Variants in TANGO2 observed in about 807,000 individuals in gnomAD.
TANGO2 encodes the protein transport and Golgi organization protein 2 homolog.
Under a neutral mutation model 39.1 loss-of-function variants are expected in TANGO2, and 26 were observed. That is an observed-to-expected ratio of 0.67 (90% CI 0.49 to 0.92). TANGO2 has a LOEUF of 0.92. TANGO2 is among the 40% of genes least tolerant of loss of function. TANGO2 has a pLI of 0.00. For synonymous variants in TANGO2, 131 were observed against 144.5 expected (o/e 0.91, Z 0.67); for missense variants, 326 against 360.1 (o/e 0.91, Z 0.77).
At position 20,063,344 on chromosome 22, in the gene TANGO2, G is replaced by GAC. The variant is rs1359759625; in HGVS notation, c.612_613insAC (p.Pro205ThrfsTer18). On this transcript the variant is annotated frameshift_variant, in exon 8 of 9. Coordinates refer to ENST00000327374, the MANE Select transcript of TANGO2 (RefSeq NM_152906.7). LOFTEE classifies it high-confidence loss of function. Reference sequence around the variant, plus strand: ...ACTTCTCTCCATCCTGCAGGCAGCTGCCAGACCCGGCCATCGAGGACCAGG... The same window carrying GAC: ...ACTTCTCTCCATCCTGCAGGCAGCTGACCCAGACCCGGCCATCGAGGACCAGG... 1.9e-6 allele frequency: 3 copies of GAC among 1,613,166 alleles called. No homozygotes were observed. The South Asian group carries it at 3.3e-5, about 18-fold the overall frequency.
In TANGO2 at chr22:20,043,352, C is replaced by A. The variant is rs750814833; in HGVS notation, c.57-3C>A. 3 of 1,609,496 alleles carry A rather than the reference C, an allele frequency of 1.9e-6. No individual in the cohort carries two copies. The highest frequency in any genetic ancestry group is 2.6e-6 in the Non-Finnish European group (3 of 1,176,372). On this transcript the variant is annotated splice_region_variant and splice_polypyrimidine_tract_variant and intron_variant, in intron 2 of 8. Coordinates refer to ENST00000327374, the MANE Select transcript of TANGO2 (RefSeq NM_152906.7). ...AGCCATCAGTGATGCTTTCCTCTTG[C>A]AGGCTCATCTTGGCAGCCAACAGGG...
intron 2 of TANGO2, among the ~76,000 whole-genome samples, chr22:20,038,006 G>A (rs960149046): frequency 2.6e-5 from 4 of 152,244 alleles, no homozygotes; most frequent in East Asian, 1.9e-4. Context: ...AGAGAATGGC[G>A]TGAACCTGGG....
chr22:20,027,915 C>T lies in TANGO2; in HGVS notation c.-40+6669C>T, dbSNP rs546975716. On this transcript the variant is annotated intron_variant, in intron 1 of 8. Transcript: ENST00000327374. ...CTGGGTTCAAGTGATCCTCCTGCCT[C>T]AGCCTCCTGAGTAGCTGGGATTACA... Among the ~76,000 whole-genome samples, 29 of 152,344 alleles carry T rather than the reference C, an allele frequency of 1.9e-4. No individual in the cohort carries two copies. The East Asian group carries it at 5.0e-3, about 26-fold the overall frequency.
chr22:20,064,972 A>C lies in TANGO2; in HGVS notation c.*310A>C. On this transcript the variant is annotated 3_prime_UTR_variant, in exon 9 of 9. Coordinates refer to ENST00000327374, the MANE Select transcript of TANGO2 (RefSeq NM_152906.7). Reference sequence around the variant, plus strand: ...ACACAGGCACTCACATGGCACACACATACACTCCTGCGTGTGCACAAGCAC... The same window carrying C: ...ACACAGGCACTCACATGGCACACACCTACACTCCTGCGTGTGCACAAGCAC... The C allele has an allele frequency of 5.9e-6, 2 of 340,142 alleles. No homozygotes were observed. 21.1% of individuals were successfully genotyped at this position (340,142 alleles called of 1,614,324 possible). A position where few individuals can be genotyped will look rare whatever the true frequency, so the allele number is the denominator to read the frequency against.
At chr22:20,039,050 C>T (rs1487397074) in intron 2 of TANGO2, among the ~76,000 whole-genome samples, 1 of 151,734 alleles carries the variant, frequency 6.6e-6, no homozygotes, top group Non-Finnish European at 1.5e-5. Flanking sequence ...AAGCGATCCT[C>T]CCACTTCAGC....
chr22:20,055,830 C>A, intron 5 of TANGO2, 113 bp from the exon 6 acceptor site: 1 of 932,680 alleles, frequency 1.1e-6, no homozygotes, highest in Non-Finnish European at 1.7e-6. Flanking sequence ...CTGGCCGCAG[C>A]GGGCTACTGC....
At chr22:20,027,755 A>T (rs1389320707) in intron 1 of TANGO2, among the ~76,000 whole-genome samples, 1 of 151,256 alleles carries the variant, frequency 6.6e-6, no homozygotes, top group Admixed American at 6.6e-5. Flanking sequence ...CTACAGATGC[A>T]TGTCACCATG....
At position 20,052,705 on chromosome 22, in the gene TANGO2, G is replaced by A. The variant is rs530743249; in HGVS notation, c.265+121G>A. On this transcript the variant is annotated intron_variant, in intron 4 of 8. Coordinates refer to ENST00000327374, the MANE Select transcript of TANGO2 (RefSeq NM_152906.7). The stretch of plus-strand genomic sequence containing the variant: ...TGTATGGTGGAGTGGGGCGGGCCAA[G>A]GTAGGAAGTGCCAAGGTGCTTGTGC... 125 of 1,286,102 alleles carry A rather than the reference G, an allele frequency of 9.7e-5. No homozygotes were observed. In the South Asian group the frequency reaches 1.7e-3, roughly 18 times the overall value. The allele number at this position is 1,286,102 out of a possible 1,614,324, so 79.7% of individuals were successfully genotyped here.
chr22:20,053,156 A>T (rs544368230), intron 4 of TANGO2, among the ~76,000 whole-genome samples: 3 of 151,914 alleles, frequency 2.0e-5, no homozygotes, highest in Non-Finnish European at 4.4e-5. Flanking sequence ...GTGGACACAC[A>T]TTGTCCCCAC....
chr22:20,055,841 G>A (rs377386582), intron 5 of TANGO2, 102 bp from the exon 6 acceptor site: 6 of 1,062,636 alleles, frequency 5.6e-6, no homozygotes, highest in South Asian at 1.3e-5. Flanking sequence ...GGGCTACTGC[G>A]CACATCGCTA....
intron 5 of TANGO2, 52 bp from the exon 6 acceptor site, chr22:20,055,891 G>A (rs1018276970): frequency 1.4e-5 from 21 of 1,495,114 alleles, no homozygotes; most frequent in South Asian, 1.1e-4. Context: ...GGGCAGTGTC[G>A]GGGAGGACGC....
At chr22:20,063,516 C>G in intron 8 of TANGO2, 74 bp downstream of exon 8, 1 of 1,326,348 alleles carries the variant, frequency 7.5e-7, no homozygotes, top group South Asian at 1.3e-5. Context: ...GGCAAAGAAG[C>G]CAAGTGCCCA....
At chr22:20,017,555 G>C (rs560559908), upstream of TANGO2, among the ~76,000 whole-genome samples, 2 of 152,306 alleles carry the variant, frequency 1.3e-5, no homozygotes, top group East Asian at 3.9e-4. Context: ...CCCCCATGGG[G>C]CCGCCCTTTC....
chr22:20,043,638 C>T (rs1373478929), intron 3 of TANGO2, among the ~76,000 whole-genome samples, 195 bp downstream of exon 3: 1 of 152,188 alleles, frequency 6.6e-6, no homozygotes, highest in African/African-American at 2.4e-5. Flanking sequence ...GCACTGTCTG[C>T]GTGGCTTCCT....
At chr22:20,026,967 G>A (rs190706826) in intron 1 of TANGO2, among the ~76,000 whole-genome samples, 1 of 152,098 alleles carries the variant, frequency 6.6e-6, no homozygotes, top group African/African-American at 2.4e-5. Context: ...GAAATACCTG[G>A]GACTGGGTCA....
chr22:20,060,636 G>T (rs1049320667), intron 6 of TANGO2, among the ~76,000 whole-genome samples: 1 of 152,174 alleles, frequency 6.6e-6, no homozygotes, highest in African/African-American at 2.4e-5. Context: ...GCAGTTCAAT[G>T]GTCTTCCATG....
rs1281456111 is a variant in TANGO2, at chr22:20,047,228, G to GTTT, written c.145+3786_145+3788dup. 2.0e-4 allele frequency among the ~76,000 whole-genome samples: 26 copies of GTTT among 132,740 alleles called. 2 individuals are homozygous for GTTT. Among genetic ancestry groups the GTTT allele is most frequent in the Middle Eastern group, 3.9e-3 (1 of 254 alleles). The allele number at this position is 132,740 out of a possible 152,430, so 87.1% of individuals were successfully genotyped here. On this transcript the variant is annotated intron_variant, in intron 3 of 8. Coordinates refer to ENST00000327374, the MANE Select transcript of TANGO2 (RefSeq NM_152906.7). ...ACACTGGGGATCAGTTTTTTGGTTT[G>GTTT]TTTGTTTTTTTTTTTTTTTTTTGAG...
intron 7 of TANGO2, among the ~76,000 whole-genome samples, chr22:20,062,449 C>T (rs1055040791): frequency 1.3e-5 from 2 of 152,202 alleles, no homozygotes; most frequent in East Asian, 1.9e-4. Context: ...CCTGGGGCCC[C>T]TTTCTGCCCC....
intron 1 of TANGO2, among the ~76,000 whole-genome samples, chr22:20,023,243 A>G (rs1361087509): frequency 6.6e-6 from 1 of 152,186 alleles, no homozygotes; most frequent in African/African-American, 2.4e-5. Flanking sequence ...GCTAACTTGA[A>G]ACTTGAAGTG....
Sources: allele counts gnomAD v4.1 joint callset (sites outside exome capture counted in the v4.1 genomes callset), GRCh38; gene constraint gnomAD v4.1.1; transcripts MANE v1.5; gene names NCBI Gene and HGNC (gene_info 2026-07-23, HGNC 2026-07-21).